Variants in GSTCD observed in about 807,000 individuals in gnomAD.
GSTCD encodes glutathione S-transferase C-terminal domain-containing protein.
Under a neutral mutation model 68.3 loss-of-function variants are expected in GSTCD, and 44 were observed. The observed-to-expected ratio is 0.64, with a 90% CI of 0.51 to 0.83. GSTCD has a LOEUF of 0.83. Ranked by LOEUF, GSTCD falls within the 40% of genes least tolerant of loss-of-function variation. The pLI is 0.00. For synonymous variants in GSTCD, 273 were observed against 255.2 expected, an observed-to-expected ratio of 1.07 and a Z score of -0.67; for missense variants, 739 against 735.9, an observed-to-expected ratio of 1.00 and a Z score of -0.05.
At position 105,718,168 on chromosome 4, in the gene GSTCD, G is replaced by A. The variant is rs1732743728; in HGVS notation, c.426+129G>A. The A allele has an allele frequency of 4.3e-6, 3 of 697,718 alleles. No homozygotes were observed. In the Admixed American group the frequency reaches 9.6e-5, roughly 22 times the overall value. 43.2% of individuals were successfully genotyped at this position (697,718 alleles called of 1,614,324 possible). ...ATTTTAAAAAACCCCAGTAACCAAT[G>A]AAATAAAGTAGCCCTTTGATATAGT... On this transcript the variant is annotated intron_variant, in intron 2 of 11. Coordinates refer to ENST00000515279, the MANE Select transcript of GSTCD (RefSeq NM_001370181.1).
intron 3 of GSTCD, among the ~76,000 whole-genome samples, chr4:105,723,288 T>C (rs1732929595): frequency 6.6e-6 from 1 of 151,914 alleles, no homozygotes; most frequent in Non-Finnish European, 1.5e-5. Flanking sequence ...AGAGTATTTT[T>C]CAAACTTTTT....
chr4:105,733,313 G>C (rs1366468619), intron 5 of GSTCD, among the ~76,000 whole-genome samples: 2 of 152,174 alleles, frequency 1.3e-5, no homozygotes, highest in Non-Finnish European at 2.9e-5. Flanking sequence ...TTATTATTGT[G>C]TGGGAGTCTA....
intron 5 of GSTCD, among the ~76,000 whole-genome samples, chr4:105,792,494 C>T (rs1454082749): frequency 6.6e-6 from 1 of 152,004 alleles, no homozygotes; most frequent in Non-Finnish European, 1.5e-5. Context: ...GGGTCAGAAA[C>T]ATTGACCTGG....
At chr4:105,729,531 A>G (rs765949277) in intron 5 of GSTCD, 32 bp downstream of exon 5, 11 of 1,355,416 alleles carry the variant, frequency 8.1e-6, no homozygotes, top group Non-Finnish European at 1.1e-5. Context: ...AGTTTTATTC[A>G]TACTTTGGAT....
intron 5 of GSTCD, among the ~76,000 whole-genome samples, chr4:105,737,774 A>G (rs185738496): frequency 1.3e-5 from 2 of 152,324 alleles, no homozygotes; most frequent in African/African-American, 4.8e-5. Context: ...TGAGTTGGCT[A>G]TAAATGAGTG....
chr4:105,825,610 T>A, intron 7 of GSTCD, 62 bp from the exon 8 acceptor site: 1 of 946,630 alleles, frequency 1.1e-6, no homozygotes, highest in South Asian at 1.6e-5. Flanking sequence ...ATAGTGATAA[T>A]GCTTTGCCTA....
At chr4:105,750,186 G>A (rs555583741) in intron 5 of GSTCD, among the ~76,000 whole-genome samples, 412 of 152,204 alleles carry the variant, frequency 2.7e-3, no homozygotes, top group African/African-American at 8.7e-3. Context: ...CACTGAGGCC[G>A]GGCGTGGTGG....
chr4:105,820,709 G>A (rs774966567), intron 5 of GSTCD: 1 of 151,798 alleles, frequency 6.6e-6, no homozygotes, highest in Non-Finnish European at 1.5e-5. Context: ...TATGTGCAGC[G>A]TATGGTCTCT....
At chr4:105,760,167 CAAAA>C (rs34613169) in intron 5 of GSTCD, among the ~76,000 whole-genome samples, 1 of 135,874 alleles carries the variant, frequency 7.4e-6, no homozygotes, top group Non-Finnish European at 1.6e-5. Context: ...AAAAAATAGG[CAAAA>C]AAAAAAAAAA....
intron 1 of GSTCD, among the ~76,000 whole-genome samples, chr4:105,711,895 T>C (rs1167014374): frequency 6.6e-6 from 1 of 152,260 alleles, no homozygotes; most frequent in Non-Finnish European, 1.5e-5. Flanking sequence ...ACTTCTGTGC[T>C]TGCTTTATTT....
chr4:105,772,841 G>A (rs1162644091), intron 5 of GSTCD, among the ~76,000 whole-genome samples: 1 of 152,162 alleles, frequency 6.6e-6, no homozygotes, highest in Non-Finnish European at 1.5e-5. Flanking sequence ...GTCTCTGCCA[G>A]GTTTTAGTAT....
At chr4:105,751,158 A>G (rs950956316) in intron 5 of GSTCD, among the ~76,000 whole-genome samples, 11 of 152,274 alleles carry the variant, frequency 7.2e-5, no homozygotes, top group Admixed American at 5.2e-4. Context: ...TAGTTTTGCT[A>G]TTGTACTAAA....
chr4:105,771,892 T>C (rs531947161), intron 5 of GSTCD, among the ~76,000 whole-genome samples: 1 of 152,320 alleles, frequency 6.6e-6, no homozygotes, highest in South Asian at 2.1e-4. Context: ...AGTAGTTTTT[T>C]TCTAATTCTG....
At chr4:105,759,084 C>T (rs1286581492) in intron 5 of GSTCD, among the ~76,000 whole-genome samples, 1 of 152,090 alleles carries the variant, frequency 6.6e-6, no homozygotes, top group African/African-American at 2.4e-5. Context: ...AAAGCTGAGA[C>T]ATTTCACAGG....
At chr4:105,742,415 A>C (rs183443891) in intron 5 of GSTCD, among the ~76,000 whole-genome samples, 5 of 152,236 alleles carry the variant, frequency 3.3e-5, no homozygotes, top group Non-Finnish European at 5.9e-5. Flanking sequence ...TGCTTCCTTC[A>C]TTAAGTCTTC....
At chr4:105,843,553 C>T (rs1447191606) in intron 11 of GSTCD, 1 of 152,188 alleles carries the variant, frequency 6.6e-6, no homozygotes, top group East Asian at 1.9e-4. Context: ...CTTCTTCCTG[C>T]ATCATAACAT....
chr4:105,759,786 A>C (rs1257741418), intron 5 of GSTCD, among the ~76,000 whole-genome samples: 1 of 152,200 alleles, frequency 6.6e-6, no homozygotes, highest in African/African-American at 2.4e-5. Context: ...TACCAAAATT[A>C]GAATATCTGT....
chr4:105,709,459 A>G (rs1306323793), intron 1 of GSTCD, among the ~76,000 whole-genome samples: 2 of 152,160 alleles, frequency 1.3e-5, no homozygotes, highest in Non-Finnish European at 2.9e-5. Flanking sequence ...CTATGTGAAT[A>G]CTACTTAACA....
At chr4:105,743,170 T>C (rs1228041786) in intron 5 of GSTCD, among the ~76,000 whole-genome samples, 1 of 152,084 alleles carries the variant, frequency 6.6e-6, no homozygotes, top group Non-Finnish European at 1.5e-5. Flanking sequence ...CAGGATGGTC[T>C]CGATCTCCTG....
Sources: allele counts gnomAD v4.1 joint callset (sites outside exome capture counted in the v4.1 genomes callset), GRCh38; gene constraint gnomAD v4.1.1; transcripts MANE v1.5; gene names NCBI Gene and HGNC (gene_info 2026-07-23, HGNC 2026-07-21).